Variants in PARD3B observed in about 807,000 individuals in gnomAD.
PARD3B encodes the protein partitioning defective 3 homolog B.
A neutral mutation model predicts 130.2 loss-of-function variants in PARD3B; 103 were observed. The ratio of observed to expected loss-of-function variants is 0.79; its 90% CI spans 0.67 to 0.93. PARD3B has a LOEUF of 0.93. PARD3B is among the 40% of genes least tolerant of loss of function. The pLI is 0.00. For synonymous variants in PARD3B, 583 were observed against 553.2 expected (o/e 1.05, Z -0.76); for missense variants, 1,609 against 1,499.2 (o/e 1.07, Z -1.21).
At chr2:205,145,812 C>G (rs1375857809) in intron 10 of PARD3B, among the ~76,000 whole-genome samples, 2 of 138,164 alleles carry the variant, frequency 1.4e-5, no homozygotes, top group Non-Finnish European at 3.0e-5. Flanking sequence ...TAAAAATAGC[C>G]TCCAAGAAGT....
intron 2 of PARD3B, among the ~76,000 whole-genome samples, chr2:204,707,606 A>G (rs1458285959): frequency 6.6e-6 from 1 of 152,186 alleles, no homozygotes; most frequent in Admixed American, 6.5e-5. Flanking sequence ...AAATAAATGA[A>G]TTATTGTGTG....
chr2:205,138,410 G>A (rs561675738), intron 10 of PARD3B, among the ~76,000 whole-genome samples: 5 of 152,030 alleles, frequency 3.3e-5, no homozygotes, highest in African/African-American at 4.8e-5. Context: ...TTCCCCTCCC[G>A]TTCTTCTCCC....
In PARD3B at chr2:204,809,727, C is replaced by CT. The variant is rs1447174467; in HGVS notation, c.222+123451dup. Among the ~76,000 whole-genome samples, 10 of 152,216 alleles carry CT rather than the reference C, an allele frequency of 6.6e-5. No individual in the cohort carries two copies. In the East Asian group the frequency reaches 1.7e-3, roughly 26 times the overall value. The stretch of plus-strand genomic sequence containing the variant: ...TAGAATTGCCTTGGCTATTTGGCCC[C>CT]TTTTTTAGTTCCATTTGAGTTTTAA... On this transcript the variant is annotated intron_variant, in intron 2 of 22. Transcript: ENST00000406610.
chr2:205,308,691 T>C (rs1410394112), intron 18 of PARD3B, among the ~76,000 whole-genome samples: 1 of 151,700 alleles, frequency 6.6e-6, no homozygotes, highest in Non-Finnish European at 1.5e-5. Context: ...TAACAGTGGA[T>C]TACCCAGGGA....
chr2:205,546,070 A>C (rs1196775954), intron 21 of PARD3B, among the ~76,000 whole-genome samples: 1 of 152,318 alleles, frequency 6.6e-6, no homozygotes, highest in East Asian at 1.9e-4. Flanking sequence ...GCAGGCATTG[A>C]GTGAATGAAA....
At chr2:204,796,262 C>A (rs1210209349) in intron 2 of PARD3B, among the ~76,000 whole-genome samples, 1 of 152,122 alleles carries the variant, frequency 6.6e-6, no homozygotes, top group Non-Finnish European at 1.5e-5. Context: ...GTACAGTTAG[C>A]CTGGTATTTC....
intron 20 of PARD3B, among the ~76,000 whole-genome samples, chr2:205,483,629 T>G (rs1025021645): frequency 1.3e-5 from 2 of 152,170 alleles, no homozygotes; most frequent in South Asian, 2.1e-4. Context: ...ATTCCCTAGA[T>G]ATTTTGGACA....
chr2:204,973,568 G>T (rs1368893687), intron 3 of PARD3B, among the ~76,000 whole-genome samples: 2 of 124,672 alleles, frequency 1.6e-5, no homozygotes, highest in African/African-American at 6.1e-5. Flanking sequence ...ACCCAGATGG[G>T]CAGGCAAAAA....
chr2:204,909,364 C>T (rs1414460191), intron 2 of PARD3B, among the ~76,000 whole-genome samples: 1 of 152,120 alleles, frequency 6.6e-6, no homozygotes, highest in Non-Finnish European at 1.5e-5. Context: ...CAAAAAAAGG[C>T]AACATAAATG....
At chr2:205,118,207 G>T (rs973380723) in intron 6 of PARD3B, among the ~76,000 whole-genome samples, 1 of 152,176 alleles carries the variant, frequency 6.6e-6, no homozygotes, top group East Asian at 1.9e-4. Flanking sequence ...CAAAGCCTTT[G>T]TGTGTGGCAC....
chr2:205,364,237 A>G (rs541194787), intron 18 of PARD3B, among the ~76,000 whole-genome samples: 1 of 152,318 alleles, frequency 6.6e-6, no homozygotes, highest in East Asian at 1.9e-4. Flanking sequence ...CAGAGCTTCA[A>G]GACTCTGAAG....
chr2:205,132,128 G>C (rs1212392092), intron 10 of PARD3B, among the ~76,000 whole-genome samples: 2 of 152,102 alleles, frequency 1.3e-5, no homozygotes, highest in East Asian at 1.9e-4. Context: ...AATATTCCTT[G>C]TTATTATAAC....
At chr2:204,805,500 C>A (rs1414985828) in intron 2 of PARD3B, among the ~76,000 whole-genome samples, 2 of 151,968 alleles carry the variant, frequency 1.3e-5, no homozygotes, top group East Asian at 3.9e-4. Flanking sequence ...AGGAAGAATA[C>A]CAGCCCTACC....
intron 18 of PARD3B, among the ~76,000 whole-genome samples, chr2:205,384,848 T>A (rs1322141138): frequency 6.6e-6 from 1 of 152,076 alleles, no homozygotes; most frequent in African/African-American, 2.4e-5. Context: ...ACCAGCAAGA[T>A]CATCTATAGA....
intron 18 of PARD3B, among the ~76,000 whole-genome samples, chr2:205,367,804 T>C (rs2044664666): frequency 6.6e-6 from 1 of 152,226 alleles, no homozygotes; most frequent in Non-Finnish European, 1.5e-5. Flanking sequence ...TTTTGTGGGA[T>C]GCCTTTTCTG....
chr2:204,798,402 C>G (rs187992865), intron 2 of PARD3B, among the ~76,000 whole-genome samples: 6 of 152,144 alleles, frequency 3.9e-5, no homozygotes, highest in East Asian at 1.9e-4. Context: ...TTCTGCCAGC[C>G]CCCCCACAGC....
intron 2 of PARD3B, among the ~76,000 whole-genome samples, chr2:204,840,637 T>C (rs2044226203): frequency 1.3e-5 from 2 of 152,120 alleles, no homozygotes; most frequent in African/African-American, 4.8e-5. Context: ...AATTGTATAT[T>C]GTATGAGGCA....
At position 204,675,362 on chromosome 2, in the gene PARD3B, A is replaced by C. The variant is rs1456182223; in HGVS notation, c.121-10819A>C. ...TTTAATTTCAGACTTTTAACGTTTA[A>C]TTTTCCTGATATAACTTCAGTTTTG... is the stretch of plus-strand genomic sequence containing the variant. On this transcript the variant is annotated intron_variant, in intron 1 of 22. Coordinates refer to ENST00000406610, the MANE Select transcript of PARD3B (RefSeq NM_001302769.2). This position sits in a 1 kb window ranked among gnomAD's most constrained non-coding sequence, Gnocchi z 4.4. 6.6e-6 allele frequency among the ~76,000 whole-genome samples: 1 copy of C among 151,902 alleles called. No individual in the cohort carries two copies. Among genetic ancestry groups the C allele is most frequent in the Non-Finnish European group, 1.5e-5 (1 of 67,974 alleles).
In PARD3B at chr2:205,440,291, CAT is replaced by C; in HGVS notation, c.2742-77_2742-76del. The C allele has an allele frequency of 4.3e-6, 6 of 1,395,806 alleles. No homozygotes were observed. In the South Asian group the frequency reaches 8.0e-5, roughly 19 times the overall value. 86.5% of individuals were successfully genotyped at this position (1,395,806 alleles called of 1,614,324 possible). On this transcript the variant is annotated intron_variant, in intron 19 of 22. Transcript: ENST00000406610. The surrounding 1 kb of genome is among the most constrained non-coding windows in gnomAD (Gnocchi z 4.2). ...CAGCTAAGAGACGAGGAAGAGTTAA[CAT>C]AAATTCAAGAGAGTATTTCATTGTA...
Sources: allele counts gnomAD v4.1 joint callset (sites outside exome capture counted in the v4.1 genomes callset), GRCh38; gene constraint gnomAD v4.1.1; non-coding constraint Gnocchi (gnomAD v3.1); transcripts MANE v1.5; gene names NCBI Gene and HGNC (gene_info 2026-07-23, HGNC 2026-07-21).